SLC9A9: variants seen among roughly 807,000 people sequenced by gnomAD.
SLC9A9 encodes sodium/hydrogen exchanger 9.
SLC9A9 carries 62 observed loss-of-function variants against 77.8 expected under a neutral mutation model. The observed-to-expected ratio is 0.80, with a 90% CI of 0.65 to 0.98. SLC9A9 has a LOEUF of 0.98. Ranked by LOEUF, SLC9A9 falls within the 50% of genes least tolerant of loss-of-function variation. The pLI is 0.00. For synonymous variants in SLC9A9, 320 were observed against 283.5 expected (o/e 1.13, Z -1.29); for missense variants, 775 against 774.9 (o/e 1.00, Z 0.00).
At chr3:143,783,740 T>C (rs1166930043) in intron 4 of SLC9A9, among the ~76,000 whole-genome samples, 2 of 152,138 alleles carry the variant, frequency 1.3e-5, no homozygotes, top group African/African-American at 4.8e-5. Flanking sequence ...GAAAAGAGAA[T>C]AGAGAAGAGC....
intron 12 of SLC9A9, among the ~76,000 whole-genome samples, chr3:143,461,653 G>A (rs2035194685): frequency 6.6e-6 from 1 of 152,122 alleles, no homozygotes; most frequent in South Asian, 2.1e-4. Context: ...AAGAGAGGGA[G>A]GCACAATTAG....
intron 6 of SLC9A9, among the ~76,000 whole-genome samples, chr3:143,599,670 A>G (rs1202570479): frequency 6.6e-6 from 1 of 152,228 alleles, no homozygotes; most frequent in Non-Finnish European, 1.5e-5. Context: ...TTTATGAGCA[A>G]TAAGGAATCC....
rs1352298147 is a variant in SLC9A9 at position 143,837,943 on chromosome 3, C to G, written c.176-5722G>C. Among the ~76,000 whole-genome samples the G allele has an allele frequency of 2.0e-5, 3 of 152,158 alleles. No homozygotes were observed. In the East Asian group the frequency reaches 5.8e-4, roughly 29 times the overall value. ...GAAGTCAGCACTGAAGGTAGCAGAA[C>G]AGAGAAAAGGAAAGAACCTTGGTTT... On this transcript the variant is annotated intron_variant, in intron 1 of 15. Transcript: ENST00000316549.
intron 1 of SLC9A9, among the ~76,000 whole-genome samples, chr3:143,838,963 A>G (rs1398939122): frequency 6.6e-6 from 1 of 152,236 alleles, no homozygotes; most frequent in East Asian, 1.9e-4. Flanking sequence ...CTCTTTTAGA[A>G]CATGAATTTA....
intron 4 of SLC9A9, among the ~76,000 whole-genome samples, chr3:143,741,232 T>G (rs1167077211): frequency 6.6e-6 from 1 of 152,118 alleles, no homozygotes; most frequent in Non-Finnish European, 1.5e-5. Context: ...AGCATAAGCC[T>G]GGAGTATTTT....
chr3:143,488,168 C>T (rs2035682273), intron 11 of SLC9A9, among the ~76,000 whole-genome samples: 1 of 151,806 alleles, frequency 6.6e-6, no homozygotes, highest in Non-Finnish European at 1.5e-5. Context: ...TGGATACCTT[C>T]CTAGAAATAC....
intron 4 of SLC9A9, among the ~76,000 whole-genome samples, chr3:143,711,709 G>A (rs868369852): frequency 2.0e-5 from 3 of 151,708 alleles, no homozygotes; most frequent in South Asian, 2.1e-4. Flanking sequence ...ATAGGCATGA[G>A]CCACAGCTCC....
intron 9 of SLC9A9, among the ~76,000 whole-genome samples, chr3:143,537,400 C>A (rs1005736742): frequency 6.6e-6 from 1 of 152,190 alleles, no homozygotes; most frequent in Admixed American, 6.5e-5. Context: ...CAGCTGCCTG[C>A]ACCAACCTGC....
At position 143,548,699 on chromosome 3, in the gene SLC9A9, T is replaced by C. The variant is rs78245476; in HGVS notation, c.1089+3663A>G. Among the ~76,000 whole-genome samples the C allele has an allele frequency of 7.6e-3, 1,158 of 152,294 alleles. 21 individuals carry two copies. Among genetic ancestry groups the C allele is most frequent in the African/African-American group, 0.027 (1,118 of 41,554 alleles). The stretch of plus-strand genomic sequence containing the variant: ...CTAACACATAGCGATGTTACATGTG[T>C]TTTCATAGGTTGAAGCAAAAATGAA... On this transcript the variant is annotated intron_variant, in intron 9 of 15. Transcript: ENST00000316549.
chr3:143,523,982 T>C (rs1465305106), intron 9 of SLC9A9, among the ~76,000 whole-genome samples: 1 of 152,176 alleles, frequency 6.6e-6, no homozygotes, highest in Non-Finnish European at 1.5e-5. Context: ...TCTGACATGC[T>C]GAAAGAACAG....
Position 143,528,624 on chromosome 3 carries a change from C to T in SLC9A9, c.1089+23738G>A, listed in dbSNP as rs150447502. 6.6e-3 allele frequency among the ~76,000 whole-genome samples: 1,008 copies of T among 152,264 alleles called. 2 individuals are homozygous for T. Among genetic ancestry groups the T allele is most frequent in the Middle Eastern group, 0.02 (6 of 294 alleles). ...GCAAACAGAACATCAAGCTGCTTAG[C>T]ACCATGAAAACAGCTGAATCACACA... On this transcript the variant is annotated intron_variant, in intron 9 of 15. Coordinates refer to ENST00000316549, the MANE Select transcript of SLC9A9 (RefSeq NM_173653.4).
chr3:143,678,693 T>C (rs1039995250), intron 5 of SLC9A9, among the ~76,000 whole-genome samples: 2 of 152,368 alleles, frequency 1.3e-5, no homozygotes, highest in Admixed American at 1.3e-4. Context: ...CATTGTAGTA[T>C]ATTCTTACAT....
intron 11 of SLC9A9, among the ~76,000 whole-genome samples, chr3:143,492,732 G>A (rs1447417263): frequency 6.6e-6 from 1 of 152,186 alleles, no homozygotes; most frequent in Non-Finnish European, 1.5e-5. Flanking sequence ...GTGGCAAATA[G>A]CAAGTGCTAA....
At chr3:143,534,848 G>A (rs1182962797) in intron 9 of SLC9A9, among the ~76,000 whole-genome samples, 3 of 152,078 alleles carry the variant, frequency 2.0e-5, no homozygotes, top group Non-Finnish European at 4.4e-5. Context: ...AACACTTACT[G>A]AAGTCATTGG....
intron 14 of SLC9A9, among the ~76,000 whole-genome samples, chr3:143,277,646 G>GTTGT: frequency 6.6e-6 from 1 of 152,300 alleles, no homozygotes; most frequent in South Asian, 2.1e-4. Context: ...TTTGGCTCAA[G>GTTGT]TTGTTTTGAA....
chr3:143,561,314 T>C (rs1000709040), intron 8 of SLC9A9, among the ~76,000 whole-genome samples: 1 of 152,152 alleles, frequency 6.6e-6, no homozygotes, highest in Non-Finnish European at 1.5e-5. Context: ...CAAATAATTA[T>C]TTAGTGGAAA....
At chr3:143,470,502 A>AAAAG (rs1468155245) in intron 11 of SLC9A9, among the ~76,000 whole-genome samples, 2 of 151,958 alleles carry the variant, frequency 1.3e-5, no homozygotes, top group Admixed American at 6.6e-5. Context: ...AAAGAAAAGA[A>AAAAG]AAAGAAAGTG....
At chr3:143,435,818 C>T (rs2034611932) in intron 12 of SLC9A9, among the ~76,000 whole-genome samples, 1 of 152,142 alleles carries the variant, frequency 6.6e-6, no homozygotes, top group African/African-American at 2.4e-5. Flanking sequence ...CAGCCTGAAA[C>T]AGTACACAAG....
At chr3:143,655,354 G>T in intron 5 of SLC9A9, 3 of 516,804 alleles carry the variant, frequency 5.8e-6, no homozygotes, top group Non-Finnish European at 7.5e-6. Context: ...AAAAGTCAAT[G>T]CCCATGTAAA....
Sources: gnomAD v4.1 joint callset for allele counts (sites outside exome capture counted in the v4.1 genomes callset) on GRCh38, gnomAD v4.1.1 for gene constraint, MANE v1.5 for transcripts, NCBI Gene and HGNC (gene_info 2026-07-23, HGNC 2026-07-21) for gene names.